Variants in SLC5A1 observed in about 807,000 individuals in gnomAD.
SLC5A1 encodes solute carrier family 5 member 1.
SLC5A1 carries 42 observed loss-of-function variants against 73.5 expected under a neutral mutation model. The observed-to-expected ratio is 0.57, with a 90% CI of 0.45 to 0.74. The LOEUF (loss-of-function observed/expected upper bound fraction) is 0.74. Among genes scored for constraint, SLC5A1 ranks in the 30% least tolerant of loss-of-function variants. The pLI is 0.00. For missense variants in SLC5A1, 634 were observed against 855.4 expected (o/e 0.74, Z 3.23); for synonymous variants, 300 against 317.4 (o/e 0.95, Z 0.58).
At chr22:32,069,562 A>T (rs1221568156) in intron 5 of SLC5A1, among the ~76,000 whole-genome samples, 1 of 152,224 alleles carries the variant, frequency 6.6e-6, no homozygotes, top group African/African-American at 2.4e-5. Context: ...CAAAAAAGAT[A>T]AGTATTTGTT....
intron 10 of SLC5A1, among the ~76,000 whole-genome samples, chr22:32,090,881 A>G (rs755252497): frequency 2.0e-5 from 3 of 152,134 alleles, no homozygotes; most frequent in Non-Finnish European, 2.9e-5. Context: ...TCATTTCTCC[A>G]TATCTCCACT....
At chr22:32,072,865 C>T (rs2093984851) in intron 5 of SLC5A1, among the ~76,000 whole-genome samples, 1 of 152,168 alleles carries the variant, frequency 6.6e-6, no homozygotes, top group African/African-American at 2.4e-5. Flanking sequence ...CATGAATAAA[C>T]ATTTTTTTAT....
At chr22:32,050,461 C>G (rs2093943730) in intron 2 of SLC5A1, among the ~76,000 whole-genome samples, 1 of 152,092 alleles carries the variant, frequency 6.6e-6, no homozygotes, top group South Asian at 2.1e-4. Context: ...CTTGTATTGA[C>G]CTGGGTTGAT....
chr22:32,101,570 C>T (rs889338416), intron 12 of SLC5A1, among the ~76,000 whole-genome samples: 2 of 152,108 alleles, frequency 1.3e-5, no homozygotes, highest in African/African-American at 4.8e-5. Context: ...AATTTCTTTT[C>T]CCATGTCTTT....
intron 2 of SLC5A1, among the ~76,000 whole-genome samples, chr22:32,058,232 C>T (rs1424853990): frequency 6.6e-6 from 1 of 152,084 alleles, no homozygotes; most frequent in Non-Finnish European, 1.5e-5. Flanking sequence ...CACACTATTC[C>T]ATCATATGGC....
At chr22:32,075,299 C>G (rs979093162) in intron 5 of SLC5A1, among the ~76,000 whole-genome samples, 1 of 152,014 alleles carries the variant, frequency 6.6e-6, no homozygotes, top group African/African-American at 2.4e-5. Flanking sequence ...ACAGCTAGTA[C>G]GTGGCAAAGC....
chr22:32,108,133 G>C (rs2094049685), intron 14 of SLC5A1, among the ~76,000 whole-genome samples: 2 of 147,586 alleles, frequency 1.4e-5, no homozygotes, highest in Admixed American at 6.7e-5. Context: ...TTGAGACAGA[G>C]TCTCACTCTG....
chr22:32,093,683 A>G (rs572912098), intron 11 of SLC5A1, among the ~76,000 whole-genome samples: 1 of 151,962 alleles, frequency 6.6e-6, no homozygotes, highest in South Asian at 2.1e-4. Context: ...ATTTGTGTAC[A>G]TTAATTTTGG....
chr22:32,043,709 G>A lies in SLC5A1; in HGVS notation c.135+293G>A, dbSNP rs2093933356. ...TTGAAGAGACCGCTGGAAAGTGTAAGGGGCAGGAAAGCGGCTGCTTAGAGC... is the reference window on the plus strand; with the variant it reads ...TTGAAGAGACCGCTGGAAAGTGTAAAGGGCAGGAAAGCGGCTGCTTAGAGC... On this transcript the variant is annotated intron_variant, in intron 1 of 14. Coordinates refer to ENST00000266088, the MANE Select transcript of SLC5A1 (RefSeq NM_000343.4). This position sits in a 1 kb window ranked among gnomAD's most constrained non-coding sequence, Gnocchi z 6.5. Among the ~76,000 whole-genome samples, 1 of 152,322 alleles carries A rather than the reference G, an allele frequency of 6.6e-6. No individual in the cohort carries two copies. Among genetic ancestry groups the A allele is most frequent in the Admixed American group, 6.5e-5 (1 of 15,308 alleles).
In SLC5A1 at chr22:32,088,562, C is replaced by G. The variant is rs184335330; in HGVS notation, c.1129+2235C>G. ...CCACATTGGCCACGCTGGTCTCAAA[C>G]TCCTGACCTCAGGTGATCCACTCGC... On this transcript the variant is annotated intron_variant, in intron 10 of 14. Transcript: ENST00000266088. 2.0e-5 allele frequency among the ~76,000 whole-genome samples: 3 copies of G among 152,280 alleles called. No homozygotes were observed. In the East Asian group the frequency reaches 5.8e-4, roughly 29 times the overall value.
intron 1 of SLC5A1, among the ~76,000 whole-genome samples, chr22:32,047,400 T>G (rs2093938582): frequency 6.6e-6 from 1 of 152,222 alleles, no homozygotes; most frequent in African/African-American, 2.4e-5. Flanking sequence ...AATCTTCAAC[T>G]TCACAGTGAC....
intron 2 of SLC5A1, among the ~76,000 whole-genome samples, chr22:32,053,897 G>A (rs1044490281): frequency 2.0e-5 from 3 of 152,092 alleles, no homozygotes; most frequent in Non-Finnish European, 4.4e-5. Flanking sequence ...TTTCTCAGCC[G>A]GGTGCGGTGG....
Position 32,066,012 on chromosome 22 carries a change from C to T in SLC5A1, c.208-923C>T, listed in dbSNP as rs143863415. 3.9e-5 allele frequency among the ~76,000 whole-genome samples: 6 copies of T among 152,326 alleles called. No individual in the cohort carries two copies. In the East Asian group the frequency reaches 1.2e-3, roughly 29 times the overall value. On this transcript the variant is annotated intron_variant, in intron 2 of 14. Coordinates refer to ENST00000266088, the MANE Select transcript of SLC5A1 (RefSeq NM_000343.4). The stretch of plus-strand genomic sequence containing the variant: ...CTGCTGTACCTTCTCCTCTTGGATA[C>T]AGAAGGACTTTAGAACTTTCTGGAG...
chr22:32,094,046 T>C (rs1032548544), intron 11 of SLC5A1, among the ~76,000 whole-genome samples: 1 of 152,166 alleles, frequency 6.6e-6, no homozygotes, highest in African/African-American at 2.4e-5. Flanking sequence ...ATTTTAATCA[T>C]AAATGGATGC....
At chr22:32,061,357 G>A (rs1235704085) in intron 2 of SLC5A1, among the ~76,000 whole-genome samples, 1 of 152,012 alleles carries the variant, frequency 6.6e-6, no homozygotes, top group African/African-American at 2.4e-5. Flanking sequence ...GGAGGTTGCA[G>A]TGAGCTGAGA....
chr22:32,078,304 A>G (rs1275059847), intron 5 of SLC5A1, among the ~76,000 whole-genome samples: 1 of 151,970 alleles, frequency 6.6e-6, no homozygotes, highest in Admixed American at 6.6e-5. Flanking sequence ...GCAAAACTCT[A>G]TCACCCAGGC....
Position 32,049,993 on chromosome 22 carries a change from C to T in SLC5A1, c.186C>T (p.Gly62=). ...CTGTTGGAGGCTTCTTCCTGGCAGG[C>T]CGAAGTATGGTGTGGTGGCCGGTAA... ...RGTVGGFFLA[G]RSMVWWPIGA... Residue 62 remains glycine (G), a synonymous_variant, in exon 2 of 15, where the codon GGC becomes GGT. Transcript: ENST00000266088. 1 of 1,614,048 alleles carries T rather than the reference C, an allele frequency of 6.2e-7. No homozygotes were observed. Among genetic ancestry groups the T allele is most frequent in the South Asian group, 1.1e-5 (1 of 91,084 alleles).
In SLC5A1 at chr22:32,111,350, T is replaced by G. The variant is rs1331251068; in HGVS notation, c.*1137T>G. The G allele has an allele frequency of 6.6e-6, 1 of 152,166 alleles. No homozygotes were observed. Among genetic ancestry groups the G allele is most frequent in the Non-Finnish European group, 1.5e-5 (1 of 68,040 alleles). 9.4% of individuals were successfully genotyped at this position (152,166 alleles called of 1,614,324 possible). ...TGTCTGTGTCCTAAATCTACTCTTCTGATAAGGACATCAGTCATATTGGAA... is the reference window on the plus strand; with the variant it reads ...TGTCTGTGTCCTAAATCTACTCTTCGGATAAGGACATCAGTCATATTGGAA... On this transcript the variant is annotated 3_prime_UTR_variant, in exon 15 of 15. Coordinates refer to ENST00000266088, the MANE Select transcript of SLC5A1 (RefSeq NM_000343.4).
Position 32,112,409 on chromosome 22 carries a change from G to A in SLC5A1, c.*2196G>A, listed in dbSNP as rs1391189156. 6.6e-6 allele frequency: 1 copy of A among 152,152 alleles called. No individual in the cohort carries two copies. The highest frequency in any genetic ancestry group is 1.5e-5 in the Non-Finnish European group (1 of 68,024). 9.4% of individuals were successfully genotyped at this position (152,152 alleles called of 1,614,324 possible). ...CTCCAAGCATAATGCAGACTTCACA[G>A]AGCTGTTGTAAAGATTAGGTGAGGT... is the stretch of plus-strand genomic sequence containing the variant. On this transcript the variant is annotated 3_prime_UTR_variant, in exon 15 of 15. Transcript: ENST00000266088.
Sources: gnomAD v4.1 joint callset for allele counts (sites outside exome capture counted in the v4.1 genomes callset) on GRCh38, gnomAD v4.1.1 for gene constraint, Gnocchi (gnomAD v3.1) non-coding constraint, MANE v1.5 for transcripts, NCBI Gene and HGNC (gene_info 2026-07-23, HGNC 2026-07-21) for gene names.